Variants in MECR observed in about 807,000 individuals in gnomAD.
MECR encodes enoyl-[acyl-carrier-protein] reductase, mitochondrial.
A neutral mutation model predicts 49.1 loss-of-function variants in MECR; 37 were observed. The ratio of observed to expected loss-of-function variants is 0.75; its 90% CI spans 0.58 to 0.99. The LOEUF (loss-of-function observed/expected upper bound fraction) is 0.99. Among genes scored for constraint, MECR ranks in the 50% least tolerant of loss-of-function variants. The pLI, the probability that MECR is intolerant of heterozygous loss-of-function variation, is 0.00. For missense variants in MECR, 470 were observed against 479.6 expected (o/e 0.98, Z 0.19); for synonymous variants, 198 against 191.1 (o/e 1.04, Z -0.30).
At chr1:29,213,106 G>T (rs1336029924) in intron 3 of MECR, among the ~76,000 whole-genome samples, 2 of 152,240 alleles carry the variant, frequency 1.3e-5, no homozygotes. Flanking sequence ...CTGTGATTAT[G>T]GCACTTGTAA....
chr1:29,230,849 G>A lies in MECR; in HGVS notation c.58C>T (p.Leu20=), dbSNP rs763863390. 1.9e-6 allele frequency: 3 copies of A among 1,601,112 alleles called. No homozygotes were observed. The highest frequency in any genetic ancestry group is 1.1e-5 in the South Asian group (1 of 90,574). Reference sequence around the variant, plus strand: ...CCGTGACAGCCAGAAGCTGGGAGCAGCCCCCGCCACTGCCGGGCGGGGGTT... The same window carrying A: ...CCGTGACAGCCAGAAGCTGGGAGCAACCCCCGCCACTGCCGGGCGGGGGTT... ...VRTPARQWRG[L]LPASGCHGPA... The change falls in exon 1 of 10, where the codon CTG becomes TTG. Residue 20 remains leucine (L), a synonymous_variant. Coordinates refer to ENST00000263702, the MANE Select transcript of MECR (RefSeq NM_016011.5).
At chr1:29,194,683 G>A (rs1431873086) in intron 9 of MECR, among the ~76,000 whole-genome samples, 3 of 152,150 alleles carry the variant, frequency 2.0e-5, no homozygotes, top group African/African-American at 7.2e-5. Context: ...CCCCTTCCTG[G>A]GCCTGCCTCC....
downstream of MECR, among the ~76,000 whole-genome samples, chr1:29,190,647 T>C (rs1055745881): frequency 6.6e-6 from 1 of 150,882 alleles, no homozygotes; most frequent in Non-Finnish European, 1.5e-5. Flanking sequence ...TAACAAAAAC[T>C]AGCTGGGCGT....
chr1:29,176,123 G>A, the MECR span, among the ~76,000 whole-genome samples: 3 of 151,974 alleles, frequency 2.0e-5, no homozygotes, highest in Non-Finnish European at 4.4e-5. Context: ...GTGGTGGCAC[G>A]CGCCTGTAGT....
At chr1:29,168,992 T>C in the MECR span, 1 of 152,190 alleles carries the variant, frequency 6.6e-6, no homozygotes, top group Non-Finnish European at 1.5e-5. Context: ...ATGATAAACA[T>C]CTAAGATGTG....
At chr1:29,202,332 C>A (rs1341137348) in intron 5 of MECR, among the ~76,000 whole-genome samples, 1 of 152,158 alleles carries the variant, frequency 6.6e-6, no homozygotes, top group Non-Finnish European at 1.5e-5. Context: ...ACTTAACTTC[C>A]TGATTTCTTC....
chr1:29,181,500 C>G, the MECR span: 1 of 633,008 alleles, frequency 1.6e-6, no homozygotes, highest in African/African-American at 1.9e-5. Flanking sequence ...CCTACCCGCG[C>G]CCCCGAGGCG....
At chr1:29,221,791 T>G (rs1195216851) in intron 1 of MECR, among the ~76,000 whole-genome samples, 16 of 151,556 alleles carry the variant, frequency 1.1e-4, no homozygotes, top group Non-Finnish European at 2.9e-5. Flanking sequence ...TCTAGGAGAG[T>G]CGAAAAACTT....
At chr1:29,190,110 C>G (rs898172697), downstream of MECR, among the ~76,000 whole-genome samples, 1 of 151,654 alleles carries the variant, frequency 6.6e-6, no homozygotes, top group African/African-American at 2.4e-5. Flanking sequence ...CGCGGTGGCT[C>G]ACGCCTGTAA....
the MECR span, among the ~76,000 whole-genome samples, chr1:29,178,510 C>CT: frequency 1.2e-4 from 18 of 151,764 alleles, no homozygotes; most frequent in African/African-American, 3.4e-4. Context: ...TGCCCGGCTA[C>CT]TTTTTTTTAA....
downstream of MECR, among the ~76,000 whole-genome samples, chr1:29,192,267 C>T (rs1249445745): frequency 6.6e-6 from 1 of 152,206 alleles, no homozygotes; most frequent in African/African-American, 2.4e-5. Context: ...AAGGCAGCAG[C>T]TACACTTGAC....
chr1:29,175,694 CAAA>C, the MECR span, among the ~76,000 whole-genome samples: 84 of 38,564 alleles, frequency 2.2e-3, no homozygotes, highest in East Asian at 0.014. Flanking sequence ...GACGCTGTCT[CAAA>C]AAAAAAAAAA....
rs1041367008 is a variant in MECR, at chr1:29,201,013, C to T, written c.757-424G>A. Among the ~76,000 whole-genome samples the T allele has an allele frequency of 2.0e-5, 3 of 152,144 alleles. No homozygotes were observed. The highest frequency in any genetic ancestry group is 1.3e-4 in the Admixed American group (2 of 15,268). ...GTCTCACTATGTTGCTCAGGCTAGTCTCAAACTCTCAGACTCAAGCAATCC... is the reference window on the plus strand; with the variant it reads ...GTCTCACTATGTTGCTCAGGCTAGTTTCAAACTCTCAGACTCAAGCAATCC... On this transcript the variant is annotated intron_variant, in intron 6 of 9. Transcript: ENST00000263702. This position sits in a 1 kb window ranked among gnomAD's most constrained non-coding sequence, Gnocchi z 4.3.
chr1:29,169,415 T>G, the MECR span: 7 of 152,206 alleles, frequency 4.6e-5, no homozygotes, highest in Non-Finnish European at 1.0e-4. Context: ...GGAAGACAAA[T>G]GCCCACAGGA....
intron 1 of MECR, among the ~76,000 whole-genome samples, chr1:29,222,361 T>G (rs1170444680): frequency 6.6e-6 from 1 of 152,120 alleles, no homozygotes; most frequent in Non-Finnish European, 1.5e-5. Flanking sequence ...CCTCCCAAAA[T>G]GCTGGGATTA....
the MECR span, among the ~76,000 whole-genome samples, chr1:29,179,092 T>A: frequency 6.6e-6 from 1 of 152,208 alleles, no homozygotes; most frequent in East Asian, 1.9e-4. Flanking sequence ...TCTTTCCTCT[T>A]ATCGCTCCAT....
chr1:29,191,326 CAG>C (rs771910222), downstream of MECR, among the ~76,000 whole-genome samples: 18 of 151,764 alleles, frequency 1.2e-4, no homozygotes, highest in Admixed American at 3.3e-4. Context: ...TTTTTTGAGA[CAG>C]AGTCTCTCTC....
chr1:29,197,280 T>C lies in MECR; in HGVS notation c.831-1022A>G, dbSNP rs1674235346. 2.0e-5 allele frequency among the ~76,000 whole-genome samples: 3 copies of C among 152,124 alleles called. No homozygotes were observed. The South Asian group carries it at 6.2e-4, about 31-fold the overall frequency. On this transcript the variant is annotated intron_variant, in intron 7 of 9. Coordinates refer to ENST00000263702, the MANE Select transcript of MECR (RefSeq NM_016011.5). ...CCGACCTAGGGTGATGCAGTGAAAA[T>C]GGCCCAGACCTCATCTCTTCATCTG...
At chr1:29,188,051 A>C (rs1386372859), downstream of MECR, among the ~76,000 whole-genome samples, 2 of 148,820 alleles carry the variant, frequency 1.3e-5, no homozygotes, top group Non-Finnish European at 3.0e-5. Flanking sequence ...AAAAAAAAAA[A>C]AAAAAGACGC....
Sources: gnomAD v4.1 joint callset for allele counts (sites outside exome capture counted in the v4.1 genomes callset) on GRCh38, gnomAD v4.1.1 for gene constraint, Gnocchi (gnomAD v3.1) non-coding constraint, MANE v1.5 for transcripts, NCBI Gene and HGNC (gene_info 2026-07-23, HGNC 2026-07-21) for gene names.